The following FGD4 variants were observed in gnomAD, a reference collection of about 807,000 sequenced individuals.
FGD4 encodes the protein FYVE, RhoGEF and PH domain-containing protein 4.
Under a neutral mutation model 102.0 loss-of-function variants are expected in FGD4, and 42 were observed. The ratio of observed to expected loss-of-function variants is 0.41; its 90% confidence interval spans 0.32 to 0.53. The LOEUF (loss-of-function observed/expected upper bound fraction) is 0.53. FGD4 is among the 20% of genes least tolerant of loss of function. The pLI is 0.21. For synonymous variants in FGD4, 380 were observed against 375.7 expected (o/e 1.01, Z -0.13); for missense variants, 902 against 1,078.2 (o/e 0.84, Z 2.29).
intron 1 of FGD4, among the ~76,000 whole-genome samples, chr12:32,561,392 G>A (rs1317637371): frequency 6.6e-6 from 1 of 152,084 alleles, no homozygotes; most frequent in Non-Finnish European, 1.5e-5. Context: ...TGGCCCAAAT[G>A]TGGTTTCTAA....
At chr12:32,437,108 CAAAAAA>C (rs5797478) in intron 1 of FGD4, among the ~76,000 whole-genome samples, 1 of 108,080 alleles carries the variant, frequency 9.3e-6, no homozygotes, top group Non-Finnish European at 2.0e-5. Flanking sequence ...GACTCCATGT[CAAAAAA>C]AAAAAAAAAA....
At chr12:32,426,459 G>T (rs550161512) in intron 1 of FGD4, among the ~76,000 whole-genome samples, 1 of 152,064 alleles carries the variant, frequency 6.6e-6, no homozygotes, top group Admixed American at 6.6e-5. Flanking sequence ...TGCTGGATTC[G>T]GTTTACTAGT....
rs766578466 is a variant in FGD4 at position 32,611,122 on chromosome 12, GT to G, written c.1603-11del. 6.2e-7 allele frequency: 1 copy of G among 1,613,970 alleles called. No individual in the cohort carries two copies. The highest frequency in any genetic ancestry group is 1.7e-5 in the Admixed American group (1 of 60,012). On this transcript the variant is annotated splice_polypyrimidine_tract_variant and intron_variant, in intron 9 of 16. Coordinates refer to ENST00000534526, the MANE Select transcript of FGD4 (RefSeq NM_001370298.3). ...AAACCTGCCTGTATGTGATCTTGCT[GT>G]TTTAATTTCCTAGGAGAACCTAAAG...
At chr12:32,452,096 A>AT (rs769092322) in intron 1 of FGD4, among the ~76,000 whole-genome samples, 10 of 152,214 alleles carry the variant, frequency 6.6e-5, no homozygotes, top group Admixed American at 4.6e-4. Context: ...GTTCTGACTG[A>AT]TTAAAAAGCA....
At chr12:32,576,156 C>T (rs1197217921) in intron 2 of FGD4, 110 bp from the exon 3 acceptor site, 5 of 1,156,622 alleles carry the variant, frequency 4.3e-6, no homozygotes, top group African/African-American at 1.6e-5. Context: ...CACCTGCCCC[C>T]TTTACAATAA....
At chr12:32,432,853 G>A (rs1942101434) in intron 1 of FGD4, among the ~76,000 whole-genome samples, 1 of 152,142 alleles carries the variant, frequency 6.6e-6, no homozygotes, top group Non-Finnish European at 1.5e-5. Flanking sequence ...GTGAGTGACT[G>A]AAATCCTGTT....
At chr12:32,545,510 C>T (rs1304234659) in intron 1 of FGD4, among the ~76,000 whole-genome samples, 10 of 152,192 alleles carry the variant, frequency 6.6e-5, no homozygotes, top group Non-Finnish European at 1.5e-4. Flanking sequence ...GTTGCAACTA[C>T]TCAACTCTAC....
chr12:32,443,776 T>TA (rs141746554), intron 1 of FGD4, among the ~76,000 whole-genome samples: 270 of 143,240 alleles, frequency 1.9e-3, no homozygotes, highest in Middle Eastern at 0.011. Flanking sequence ...TCTTTCTCTT[T>TA]AAAAAAAAAA....
At chr12:32,631,101 C>T (rs1383311070) in intron 14 of FGD4, among the ~76,000 whole-genome samples, 3 of 152,116 alleles carry the variant, frequency 2.0e-5, no homozygotes, top group Non-Finnish European at 2.9e-5. Flanking sequence ...AGTTCCTTAT[C>T]CAAAAATATG....
chr12:32,597,589 A>T (rs1948010804), intron 4 of FGD4, among the ~76,000 whole-genome samples: 1 of 152,228 alleles, frequency 6.6e-6, no homozygotes, highest in Admixed American at 6.5e-5. Flanking sequence ...ATTGTATTGA[A>T]TACCAGTGTT....
chr12:32,632,783 G>C (rs1249539828), intron 14 of FGD4, among the ~76,000 whole-genome samples: 2 of 150,110 alleles, frequency 1.3e-5, no homozygotes, highest in Non-Finnish European at 3.0e-5. Flanking sequence ...CATCTAGGCT[G>C]GTCTGGAACT....
intron 1 of FGD4, among the ~76,000 whole-genome samples, chr12:32,527,866 A>T (rs1941415847): frequency 6.6e-6 from 1 of 152,222 alleles, no homozygotes; most frequent in African/African-American, 2.4e-5. Flanking sequence ...CCTAATTTAG[A>T]TTAGTATAAT....
intron 1 of FGD4, among the ~76,000 whole-genome samples, chr12:32,477,038 A>G (rs542091848): frequency 1.9e-4 from 29 of 152,376 alleles, no homozygotes; most frequent in African/African-American, 6.7e-4. Flanking sequence ...CTGTAATTCC[A>G]GCACTTTGGG....
chr12:32,436,981 C>T (rs2728670), intron 1 of FGD4, among the ~76,000 whole-genome samples: 59,606 of 151,514 alleles, frequency 0.39, 12,287 homozygotes, highest in African/African-American at 0.5. Flanking sequence ...TGGTGGCGGG[C>T]GCCTGTAGTC....
chr12:32,561,870 G>C (rs1944623766), intron 1 of FGD4, among the ~76,000 whole-genome samples: 1 of 152,164 alleles, frequency 6.6e-6, no homozygotes, highest in Non-Finnish European at 1.5e-5. Flanking sequence ...TGGAGTTTTT[G>C]AGTTCTATAT....
intron 1 of FGD4, among the ~76,000 whole-genome samples, chr12:32,523,267 T>G (rs918728193): frequency 6.6e-6 from 1 of 152,220 alleles, no homozygotes; most frequent in Non-Finnish European, 1.5e-5. Flanking sequence ...TGGCAGAGAA[T>G]GTTTGCAGTT....
In FGD4 at chr12:32,530,941, G is replaced by GTTTTTTTTTTTTTTTTTTTTTT. The variant is rs768536136; in HGVS notation, c.167-33188_167-33167dup. 2.3e-4 allele frequency among the ~76,000 whole-genome samples: 16 copies of GTTTTTTTTTTTTTTTTTTTTTT among 70,478 alleles called. 4 individuals are homozygous for GTTTTTTTTTTTTTTTTTTTTTT. The highest frequency in any genetic ancestry group is 3.5e-4 in the African/African-American group (5 of 14,492). The allele number at this position is 70,478 out of a possible 152,430, so 46.2% of individuals were successfully genotyped here. On this transcript the variant is annotated intron_variant, in intron 1 of 16. Coordinates refer to ENST00000534526, the MANE Select transcript of FGD4 (RefSeq NM_001370298.3). Reference sequence around the variant, plus strand: ...TATGACAATCAGTTTCCTAGCTTTGGTTTTTTTTTTTTTTTTTTTTTTTTT... The same window carrying GTTTTTTTTTTTTTTTTTTTTTT: ...TATGACAATCAGTTTCCTAGCTTTGGTTTTTTTTTTTTTTTTTTTTTTTTTTTTTTTTTTTTTTTTTTTTTTT...
At chr12:32,532,465 A>G (rs914169582) in intron 1 of FGD4, among the ~76,000 whole-genome samples, 2 of 152,196 alleles carry the variant, frequency 1.3e-5, no homozygotes, top group Non-Finnish European at 2.9e-5. Context: ...ACAGAGTGAT[A>G]TTCTTCTGTA....
chr12:32,636,265 G>A (rs1375162223), intron 15 of FGD4, among the ~76,000 whole-genome samples: 1 of 152,114 alleles, frequency 6.6e-6, no homozygotes, highest in Admixed American at 6.6e-5. Context: ...GCCAGGTGCG[G>A]TGTGGCTCAC....
Sources: allele counts gnomAD v4.1 joint callset (sites outside exome capture counted in the v4.1 genomes callset), GRCh38; gene constraint gnomAD v4.1.1; transcripts MANE v1.5; gene names NCBI Gene and HGNC (gene_info 2026-07-23, HGNC 2026-07-21).